SPTBN4: variants seen among roughly 807,000 people sequenced by gnomAD.
SPTBN4 encodes the protein spectrin beta, non-erythrocytic 4.
In SPTBN4, 96 loss-of-function variants were observed where a neutral mutation model predicts 277.8. The observed-to-expected ratio is 0.35, with a 90% confidence interval of 0.29 to 0.41. SPTBN4 has a LOEUF of 0.41. Among genes scored for constraint, SPTBN4 ranks in the 10% least tolerant of loss-of-function variants. SPTBN4 has a pLI of 1.00. For synonymous variants in SPTBN4, 1,481 were observed against 1,580.3 expected (o/e 0.94, Z 1.49); for missense variants, 3,006 against 3,595.7 (o/e 0.84, Z 4.19).
At chr19:40,553,638 C>T (rs1018296752) in intron 22 of SPTBN4, among the ~76,000 whole-genome samples, 3 of 152,194 alleles carry the variant, frequency 2.0e-5, no homozygotes, top group Admixed American at 6.5e-5. Flanking sequence ...ATAAGGTACT[C>T]TGCAAGTACA....
rs1217405899 is a variant in SPTBN4, at chr19:40,490,001, G to A, written c.322-74G>A. Reference sequence around the variant, plus strand: ...TGGCCACGGGAGGCGGGCTTCTTTGGAAGCTGCGGGGCCGAGGGCGCCATA... The same window carrying A: ...TGGCCACGGGAGGCGGGCTTCTTTGAAAGCTGCGGGGCCGAGGGCGCCATA... On this transcript the variant is annotated intron_variant, in intron 3 of 35. Coordinates refer to ENST00000598249, the MANE Select transcript of SPTBN4 (RefSeq NM_020971.3). The surrounding 1 kb of genome is among the most constrained non-coding windows in gnomAD (Gnocchi z 4.3). The A allele has an allele frequency of 1.4e-6, 2 of 1,442,256 alleles. No individual in the cohort carries two copies. The highest frequency in any genetic ancestry group is 1.8e-6 in the Non-Finnish European group (2 of 1,091,028). The allele number at this position is 1,442,256 out of a possible 1,614,324, so 89.3% of individuals were successfully genotyped here.
At chr19:40,529,220 C>T (rs1259131816) in intron 18 of SPTBN4, 89 bp downstream of exon 18, 4 of 1,274,272 alleles carry the variant, frequency 3.1e-6, no homozygotes, top group East Asian at 4.8e-5. Context: ...GGGGACGCCC[C>T]GTCTAAGTGG....
At chr19:40,540,046 C>T (rs1185959547) in intron 20 of SPTBN4, among the ~76,000 whole-genome samples, 1 of 151,710 alleles carries the variant, frequency 6.6e-6, no homozygotes, top group African/African-American at 2.4e-5. Flanking sequence ...CCTGCCTCAG[C>T]CTCCCGAGTA....
In SPTBN4 at chr19:40,515,558, G is replaced by A. The variant is rs528454554; in HGVS notation, c.2903+110G>A. The A allele has an allele frequency of 8.5e-4, 1,063 of 1,253,240 alleles. 6 individuals carry two copies. The highest frequency in any genetic ancestry group is 2.1e-4 in the Non-Finnish European group (200 of 959,018). The allele number at this position is 1,253,240 out of a possible 1,614,324, so 77.6% of individuals were successfully genotyped here. ...ACCCCTGGAATCATAATGGCCACCCGATAAATCAACAAAATGTTGACCAAA... is the reference window on the plus strand; with the variant it reads ...ACCCCTGGAATCATAATGGCCACCCAATAAATCAACAAAATGTTGACCAAA... On this transcript the variant is annotated intron_variant, in intron 15 of 35. Coordinates refer to ENST00000598249, the MANE Select transcript of SPTBN4 (RefSeq NM_020971.3). The surrounding 1 kb of genome is among the most constrained non-coding windows in gnomAD (Gnocchi z 4.1).
At chr19:40,501,864 T>A in intron 7 of SPTBN4, 57 bp from the exon 8 acceptor site, 1 of 1,466,066 alleles carries the variant, frequency 6.8e-7, no homozygotes, top group South Asian at 1.1e-5. Flanking sequence ...TCCAATACCT[T>A]CAAGCACTCT....
chr19:40,516,352 G>A (rs909853169), intron 15 of SPTBN4, among the ~76,000 whole-genome samples: 11 of 151,954 alleles, frequency 7.2e-5, no homozygotes, highest in African/African-American at 2.7e-4. Flanking sequence ...GCCCAGGTTG[G>A]AATACAGTGG....
intron 1 of SPTBN4, among the ~76,000 whole-genome samples, chr19:40,472,031 C>T (rs2145796880): frequency 6.6e-6 from 1 of 152,048 alleles, no homozygotes; most frequent in Non-Finnish European, 1.5e-5. Flanking sequence ...CTGCCTCAGC[C>T]TCCCGAGTAG....
At chr19:40,534,536 AG>A in intron 20 of SPTBN4, 193 bp downstream of exon 20, 2 of 687,640 alleles carry the variant, frequency 2.9e-6, no homozygotes, top group Non-Finnish European at 2.4e-6. Flanking sequence ...CCACTCCCTA[AG>A]GTATGGAGTA....
rs551636981 is a variant in SPTBN4 at position 40,502,589 on chromosome 19, A to G, written c.1203+82A>G. 4.2e-6 allele frequency: 6 copies of G among 1,444,220 alleles called. 1 individual carries two copies. Among genetic ancestry groups the G allele is most frequent in the South Asian group, 2.6e-5 (2 of 76,206 alleles). 89.5% of individuals were successfully genotyped at this position (1,444,220 alleles called of 1,614,324 possible). On this transcript the variant is annotated intron_variant, in intron 10 of 35. Transcript: ENST00000598249. This position sits in a 1 kb window ranked among gnomAD's most constrained non-coding sequence, Gnocchi z 4.9. ...CACACTGCTCAAGGGAATCATTCAC[A>G]TTGTAGACATGATGGATTAGATATT...
At position 40,506,104 on chromosome 19, in the gene SPTBN4, T is replaced by A. The variant is rs2080326760; in HGVS notation, c.1666-132T>A. On this transcript the variant is annotated intron_variant, in intron 12 of 35. Coordinates refer to ENST00000598249, the MANE Select transcript of SPTBN4 (RefSeq NM_020971.3). ...GCTGGTAAGAGAGTCTTGAGGCTGGTCCATATCTCTCCAAGAGGGTCAGAG... is the reference window on the plus strand; with the variant it reads ...GCTGGTAAGAGAGTCTTGAGGCTGGACCATATCTCTCCAAGAGGGTCAGAG... 7 of 1,237,620 alleles carry A rather than the reference T, an allele frequency of 5.7e-6. No homozygotes were observed. The South Asian group carries it at 1.3e-4, about 22-fold the overall frequency. The allele number at this position is 1,237,620 out of a possible 1,614,324, so 76.7% of individuals were successfully genotyped here. A position where few individuals can be genotyped will look rare whatever the true frequency, so the allele number is the denominator to read the frequency against.
At chr19:40,534,660 G>C (rs1232688821) in intron 20 of SPTBN4, 1 of 362,486 alleles carries the variant, frequency 2.8e-6, no homozygotes, top group African/African-American at 2.0e-5. Context: ...CAAGGCTCAG[G>C]GGTATGGGAA....
intron 7 of SPTBN4, among the ~76,000 whole-genome samples, chr19:40,500,258 C>A (rs911911960): frequency 1.3e-5 from 2 of 152,088 alleles, no homozygotes. Context: ...CTGTGCCAGG[C>A]TAGTCTTTCT....
chr19:40,533,842 C>T (rs961477981), intron 19 of SPTBN4, among the ~76,000 whole-genome samples: 29 of 152,076 alleles, frequency 1.9e-4, no homozygotes, highest in African/African-American at 6.5e-4. Context: ...TGTCTCCCTC[C>T]CCTCACTTCT....
In SPTBN4 at chr19:40,506,401, T is replaced by C. The variant is rs367850681; in HGVS notation, c.1816+15T>C. ...CCAGCTGCAGGGTGAGTCTTGGGGC[T>C]GGGGCTGGGGCTATGGGTGGAGACT... On this transcript the variant is annotated intron_variant, in intron 13 of 35. Transcript: ENST00000598249. 1.9e-6 allele frequency: 3 copies of C among 1,603,492 alleles called. No homozygotes were observed. The African/African-American group carries it at 4.0e-5, about 21-fold the overall frequency.
intron 22 of SPTBN4, 149 bp downstream of exon 22, chr19:40,550,476 T>TC (rs1470663359): frequency 1.5e-6 from 1 of 655,860 alleles, no homozygotes; most frequent in Non-Finnish European, 2.5e-6. Flanking sequence ...TCCAGGTGCT[T>TC]CCATATATTT....
intron 7 of SPTBN4, 79 bp downstream of exon 7, chr19:40,497,683 C>A: frequency 8.6e-7 from 1 of 1,164,186 alleles, no homozygotes; most frequent in Non-Finnish European, 1.3e-6. Flanking sequence ...TCAACTCCAT[C>A]CCACCCCAGC....
intron 6 of SPTBN4, 72 bp downstream of exon 6, chr19:40,495,049 A>C (rs907349691): frequency 1.4e-6 from 2 of 1,416,562 alleles, no homozygotes; most frequent in African/African-American, 1.4e-5. Context: ...ACACCTGTAC[A>C]TGTACTTGTG....
chr19:40,477,763 C>T (rs2145807309), intron 2 of SPTBN4, among the ~76,000 whole-genome samples: 2 of 152,246 alleles, frequency 1.3e-5, no homozygotes, highest in East Asian at 1.9e-4. Context: ...TGCAAGGCCT[C>T]CAGAAGCTGG....
chr19:40,499,673 C>T (rs1053684434), intron 7 of SPTBN4, among the ~76,000 whole-genome samples: 3 of 151,936 alleles, frequency 2.0e-5, no homozygotes, highest in Non-Finnish European at 4.4e-5. Flanking sequence ...CCTGGGATTA[C>T]AGGCCCGAGC....
Sources: gnomAD v4.1 joint callset for allele counts (sites outside exome capture counted in the v4.1 genomes callset) on GRCh38, gnomAD v4.1.1 for gene constraint, Gnocchi (gnomAD v3.1) non-coding constraint, MANE v1.5 for transcripts, NCBI Gene and HGNC (gene_info 2026-07-23, HGNC 2026-07-21) for gene names.